The following HS6ST3 variants were observed in gnomAD, a reference collection of about 807,000 sequenced individuals.
HS6ST3 encodes the protein heparan-sulfate 6-O-sulfotransferase 3.
A neutral mutation model predicts 36.7 loss-of-function variants in HS6ST3; 12 were observed. The observed-to-expected ratio is 0.33, with a 90% CI of 0.21 to 0.53. The LOEUF (loss-of-function observed/expected upper bound fraction) is 0.53, where lower values mean the gene tolerates loss of function less well. Among genes scored for constraint, HS6ST3 ranks in the 20% least tolerant of loss-of-function variants. The pLI is 0.95. For synonymous variants in HS6ST3, 240 were observed against 257.5 expected, an observed-to-expected ratio of 0.93 and a Z score of 0.65; for missense variants, 584 against 640.9, an observed-to-expected ratio of 0.91 and a Z score of 0.96.
Position 96,727,913 on chromosome 13 carries a change from T to C in HS6ST3, c.708-104577T>C, listed in dbSNP as rs138917897. 4.4e-4 allele frequency among the ~76,000 whole-genome samples: 67 copies of C among 152,322 alleles called. No individual in the cohort carries two copies. The East Asian group carries it at 0.011, about 25-fold the overall frequency. ...CTTTCAAATTTTATTTCCACTGCCA[T>C]TTCCCCAGGAATATCCCCAACTGCC... is the stretch of plus-strand genomic sequence containing the variant. On this transcript the variant is annotated intron_variant, in intron 1 of 1. Transcript: ENST00000376705.
At chr13:96,489,826 G>A (rs1305806780) in intron 1 of HS6ST3, among the ~76,000 whole-genome samples, 1 of 152,102 alleles carries the variant, frequency 6.6e-6, no homozygotes, top group Non-Finnish European at 1.5e-5. Flanking sequence ...AGGGGAAAGA[G>A]TATATTTATA....
intron 1 of HS6ST3, among the ~76,000 whole-genome samples, chr13:96,212,077 G>A (rs893047011): frequency 2.6e-5 from 4 of 152,142 alleles, no homozygotes; most frequent in African/African-American, 9.7e-5. Context: ...TTGTCTGACT[G>A]GTCAATTGCT....
At chr13:96,174,631 C>T (rs1214309820) in intron 1 of HS6ST3, among the ~76,000 whole-genome samples, 2 of 152,100 alleles carry the variant, frequency 1.3e-5, no homozygotes, top group Non-Finnish European at 2.9e-5. Context: ...AGTTCAATTG[C>T]TCATATTATC....
intron 1 of HS6ST3, among the ~76,000 whole-genome samples, chr13:96,725,349 A>T (rs1364580059): frequency 6.6e-6 from 1 of 152,166 alleles, no homozygotes; most frequent in Non-Finnish European, 1.5e-5. Flanking sequence ...CAGCGTCTTG[A>T]AGAGAAGAAT....
At chr13:96,750,468 A>C (rs896725424) in intron 1 of HS6ST3, among the ~76,000 whole-genome samples, 1 of 152,238 alleles carries the variant, frequency 6.6e-6, no homozygotes, top group Non-Finnish European at 1.5e-5. Flanking sequence ...GCGAAGATAA[A>C]GGCATAAGCC....
chr13:96,391,804 C>T (rs2055397170), intron 1 of HS6ST3, among the ~76,000 whole-genome samples: 1 of 152,174 alleles, frequency 6.6e-6, no homozygotes, highest in African/African-American at 2.4e-5. Context: ...GATTCAATCA[C>T]CTCCCACCAG....
chr13:96,554,794 C>T lies in HS6ST3; in HGVS notation c.708-277696C>T, dbSNP rs578176978. 8.6e-5 allele frequency among the ~76,000 whole-genome samples: 13 copies of T among 151,932 alleles called. No homozygotes were observed. The East Asian group carries it at 9.7e-4, about 11-fold the overall frequency. On this transcript the variant is annotated intron_variant, in intron 1 of 1. Coordinates refer to ENST00000376705, the MANE Select transcript of HS6ST3 (RefSeq NM_153456.4). ...GATTGAAAAGTTCTATATGGCCAGG[C>T]GCAGTGGCTCATGCTTGTAGTCCCA...
intron 1 of HS6ST3, among the ~76,000 whole-genome samples, chr13:96,604,899 T>C (rs1346780293): frequency 1.3e-5 from 2 of 152,234 alleles, no homozygotes; most frequent in African/African-American, 4.8e-5. Context: ...ATGGCATCTT[T>C]AATGTCTGCT....
intron 1 of HS6ST3, among the ~76,000 whole-genome samples, chr13:96,686,826 A>G (rs551843962): frequency 1.4e-4 from 22 of 152,124 alleles, no homozygotes; most frequent in African/African-American, 5.3e-4. Context: ...GAGGGATGGG[A>G]TTCATAGCCA....
Position 96,095,246 on chromosome 13 carries a change from G to A in HS6ST3, c.707+3677G>A, listed in dbSNP as rs564748968. On this transcript the variant is annotated intron_variant, in intron 1 of 1. Transcript: ENST00000376705. ...CTGCTTACTATGTGCCAGGCACTACGATAGTTCTGGGAATTGCATTTTGAA... is the reference window on the plus strand; with the variant it reads ...CTGCTTACTATGTGCCAGGCACTACAATAGTTCTGGGAATTGCATTTTGAA... Among the ~76,000 whole-genome samples the A allele has an allele frequency of 4.7e-3, 720 of 152,318 alleles. 6 individuals carry two copies. The highest frequency in any genetic ancestry group is 7.5e-3 in the Non-Finnish European group (512 of 68,022).
intron 1 of HS6ST3, among the ~76,000 whole-genome samples, chr13:96,704,865 C>A (rs1215691953): frequency 6.6e-6 from 1 of 152,136 alleles, no homozygotes; most frequent in East Asian, 1.9e-4. Context: ...TCCAAGTTGC[C>A]TGGGATTCCA....
At chr13:96,209,681 G>A (rs2054389099) in intron 1 of HS6ST3, among the ~76,000 whole-genome samples, 1 of 152,088 alleles carries the variant, frequency 6.6e-6, no homozygotes, top group South Asian at 2.1e-4. Context: ...CACCCATCCA[G>A]GCTTTTATTT....
At chr13:96,448,739 C>T (rs1227998440) in intron 1 of HS6ST3, among the ~76,000 whole-genome samples, 2 of 152,026 alleles carry the variant, frequency 1.3e-5, no homozygotes, top group Non-Finnish European at 2.9e-5. Context: ...CCTAATGTCT[C>T]TCTAACAAAG....
intron 1 of HS6ST3, among the ~76,000 whole-genome samples, chr13:96,432,241 T>A (rs2055619311): frequency 6.6e-6 from 1 of 152,224 alleles, no homozygotes; most frequent in African/African-American, 2.4e-5. Context: ...CTATGGCTAA[T>A]GACCCCTGTA....
At chr13:96,704,428 A>G (rs1875367081) in intron 1 of HS6ST3, among the ~76,000 whole-genome samples, 2 of 152,240 alleles carry the variant, frequency 1.3e-5, no homozygotes, top group South Asian at 2.1e-4. Context: ...AGATCAGTCA[A>G]ATTGATGTGG....
At chr13:96,669,786 G>A (rs944487776) in intron 1 of HS6ST3, among the ~76,000 whole-genome samples, 1 of 152,088 alleles carries the variant, frequency 6.6e-6, no homozygotes, top group Non-Finnish European at 1.5e-5. Flanking sequence ...CTGTTCTAAG[G>A]CTAAAGTGGT....
At chr13:96,395,666 G>C (rs1472239442) in intron 1 of HS6ST3, among the ~76,000 whole-genome samples, 3 of 152,134 alleles carry the variant, frequency 2.0e-5, no homozygotes, top group Non-Finnish European at 4.4e-5. Flanking sequence ...CTATTTTGGG[G>C]GGTCTGTGTG....
At chr13:96,517,105 G>A (rs777833877) in intron 1 of HS6ST3, among the ~76,000 whole-genome samples, 1 of 152,084 alleles carries the variant, frequency 6.6e-6, no homozygotes, top group Non-Finnish European at 1.5e-5. Context: ...CAGGCCAGGC[G>A]CAGTGGCTCA....
Position 96,729,518 on chromosome 13 carries a change from C to G in HS6ST3, c.708-102972C>G, listed in dbSNP as rs111829571. 4.5e-4 allele frequency among the ~76,000 whole-genome samples: 69 copies of G among 152,098 alleles called. 1 individual carries two copies. Among genetic ancestry groups the G allele is most frequent in the African/African-American group, 1.6e-3 (65 of 41,492 alleles). The stretch of plus-strand genomic sequence containing the variant: ...ATTGCCCAAGCTGGAGTGCAGTGGC[C>G]CGATCGTGGCTCACTGCAGCCTCTG... On this transcript the variant is annotated intron_variant, in intron 1 of 1. Transcript: ENST00000376705.
Sources: allele counts gnomAD v4.1 joint callset (sites outside exome capture counted in the v4.1 genomes callset), GRCh38; gene constraint gnomAD v4.1.1; transcripts MANE v1.5; gene names NCBI Gene and HGNC (gene_info 2026-07-23, HGNC 2026-07-21).